Variants in TNRC6B observed in about 807,000 individuals in gnomAD.
TNRC6B encodes trinucleotide repeat-containing gene 6B protein.
In TNRC6B, 52 loss-of-function variants were observed where a neutral mutation model predicts 203.6. The observed-to-expected ratio is 0.26, with a 90% CI of 0.20 to 0.32. The LOEUF is 0.32. Ranked by LOEUF, TNRC6B falls within the 10% of genes least tolerant of loss-of-function variation. The pLI is 1.00. For synonymous variants in TNRC6B, 838 were observed against 845.7 expected (o/e 0.99, Z 0.16); for missense variants, 1,923 against 2,286.2 (o/e 0.84, Z 3.24).
At chr22:40,070,415 AAAAG>A (rs2067936933) in intron 1 of TNRC6B, among the ~76,000 whole-genome samples, 1 of 152,196 alleles carries the variant, frequency 6.6e-6, no homozygotes, top group African/African-American at 2.4e-5. Context: ...TTTAAACATA[AAAAG>A]AAAGGGTGAA....
intron 7 of TNRC6B, among the ~76,000 whole-genome samples, chr22:40,274,952 A>G (rs1258848327): frequency 2.0e-5 from 3 of 152,308 alleles, no homozygotes; most frequent in East Asian, 3.9e-4. Flanking sequence ...CTTAACTTCA[A>G]CATGAGAGTC....
intron 2 of TNRC6B, among the ~76,000 whole-genome samples, chr22:40,124,087 A>G (rs2068467091): frequency 1.3e-5 from 2 of 152,120 alleles, no homozygotes; most frequent in Admixed American, 1.3e-4. Context: ...ACTTCACATC[A>G]CATAAATATG....
At chr22:40,089,630 C>T (rs559052777) in intron 1 of TNRC6B, among the ~76,000 whole-genome samples, 20 of 152,230 alleles carry the variant, frequency 1.3e-4, no homozygotes, top group Admixed American at 6.5e-4. Flanking sequence ...TCCCTGCCAG[C>T]CTCCCGCAGT....
intron 1 of TNRC6B, among the ~76,000 whole-genome samples, chr22:40,091,006 G>C (rs986833910): frequency 1.2e-4 from 19 of 152,110 alleles, no homozygotes; most frequent in African/African-American, 4.6e-4. Context: ...TTTTGAGACG[G>C]AGTCTCACTC....
chr22:40,317,041 C>T lies in TNRC6B; in HGVS notation c.4974+1029C>T, dbSNP rs549486863. On this transcript the variant is annotated intron_variant, in intron 21 of 22. Transcript: ENST00000454349. The stretch of plus-strand genomic sequence containing the variant: ...AGTGGAAAAGGGAGTATTTTAAGGA[C>T]ACCCAAAAGCTACCTGTTTCTGTGT... 3.5e-4 allele frequency among the ~76,000 whole-genome samples: 53 copies of T among 152,228 alleles called. 1 individual carries two copies. The South Asian group carries it at 0.01, about 30-fold the overall frequency.
At chr22:40,049,509 G>A (rs2067727676) in intron 1 of TNRC6B, among the ~76,000 whole-genome samples, 1 of 151,978 alleles carries the variant, frequency 6.6e-6, no homozygotes. Flanking sequence ...TTATTTATGA[G>A]ACTTAACTGT....
chr22:40,309,440 T>G (rs1054413436), intron 16 of TNRC6B, among the ~76,000 whole-genome samples: 1 of 152,232 alleles, frequency 6.6e-6, no homozygotes, highest in Non-Finnish European at 1.5e-5. Flanking sequence ...CACTCTTTAA[T>G]AAGCCCATCC....
At chr22:40,058,411 C>A (rs1248936597) in intron 1 of TNRC6B, among the ~76,000 whole-genome samples, 1 of 94,808 alleles carries the variant, frequency 1.1e-5, no homozygotes, top group Non-Finnish European at 1.9e-5. Flanking sequence ...TGCTTTAGCA[C>A]AATGTGCTTT....
chr22:40,190,455 C>A (rs943425454), intron 1 of TNRC6B, among the ~76,000 whole-genome samples: 2 of 152,184 alleles, frequency 1.3e-5, no homozygotes, highest in Non-Finnish European at 2.9e-5. Context: ...GTTGGCTCTT[C>A]ATGAGTTATG....
chr22:40,296,056 A>G (rs1287113600), intron 12 of TNRC6B, among the ~76,000 whole-genome samples: 1 of 152,088 alleles, frequency 6.6e-6, no homozygotes, highest in Non-Finnish European at 1.5e-5. Flanking sequence ...GCAAAAGAGG[A>G]AAACATATTG....
Position 40,170,769 on chromosome 22 carries a change from ATACATATATG to A in TNRC6B, c.113+14599_113+14608del, listed in dbSNP as rs371522677. Among the ~76,000 whole-genome samples, 564 of 83,394 alleles carry A rather than the reference ATACATATATG, an allele frequency of 6.8e-3. 9 individuals are homozygous for A. Among genetic ancestry groups the A allele is most frequent in the South Asian group, 0.016 (42 of 2,604 alleles). 54.7% of individuals were successfully genotyped at this position (83,394 alleles called of 152,430 possible). A position where few individuals can be genotyped will look rare whatever the true frequency, so the allele number is the denominator to read the frequency against. ...TATATGTACATATATGTGTGTATAT[ATACATATATG>A]TACATATATGTGTGTATATATACAT... On this transcript the variant is annotated intron_variant, in intron 4 of 23. Transcript: ENST00000301923.
rs1385843265 is a variant in TNRC6B, at chr22:40,153,286, A to C, written c.46-2829A>C. ...CTGTAAAAGAGACAGAGGATCTGGG[A>C]AACAGATGCTCCAGCTTAGGAGAAA... is the stretch of plus-strand genomic sequence containing the variant. On this transcript the variant is annotated intron_variant, in intron 3 of 23. Coordinates refer to the TNRC6B transcript ENST00000301923. Among the ~76,000 whole-genome samples the C allele has an allele frequency of 2.0e-5, 3 of 152,274 alleles. No individual in the cohort carries two copies. In the East Asian group the frequency reaches 5.8e-4, roughly 29 times the overall value.
In TNRC6B at chr22:40,326,910, G is replaced by C. The variant is rs938761479; in HGVS notation, c.*3669G>C. 4.6e-5 allele frequency: 7 copies of C among 152,534 alleles called. No individual in the cohort carries two copies. Among genetic ancestry groups the C allele is most frequent in the African/African-American group, 1.7e-4 (7 of 41,410 alleles). The allele number at this position is 152,534 out of a possible 1,614,324, so 9.4% of individuals were successfully genotyped here. A position where few individuals can be genotyped will look rare whatever the true frequency, so the allele number is the denominator to read the frequency against. ...AGGAACAAGTGATTTTACTTTTTTA[G>C]CTCCCAGCTACTGTTGTGCTCGTTT... is the stretch of plus-strand genomic sequence containing the variant. On this transcript the variant is annotated 3_prime_UTR_variant, in exon 23 of 23. Coordinates refer to ENST00000454349, the MANE Select transcript of TNRC6B (RefSeq NM_001162501.2).
rs141480111 is a variant in TNRC6B, at chr22:40,178,307, T to G, written c.5+167T>G. 2.0e-5 allele frequency among the ~76,000 whole-genome samples: 3 copies of G among 152,332 alleles called. No individual in the cohort carries two copies. The East Asian group carries it at 5.8e-4, about 29-fold the overall frequency. ...CCCGTGATGTACTTTGGTTCGGCAT[T>G]TTAGAAATGGAAAAGACGTGGTAAA... On this transcript the variant is annotated intron_variant, in intron 1 of 22. Transcript: ENST00000454349.
At chr22:40,163,015 C>G (rs1271852024) in intron 4 of TNRC6B, among the ~76,000 whole-genome samples, 1 of 152,124 alleles carries the variant, frequency 6.6e-6, no homozygotes, top group Non-Finnish European at 1.5e-5. Flanking sequence ...AAAAAATTCT[C>G]TAACAAAGTC....
At chr22:40,291,545 C>G (rs1309549146) in intron 12 of TNRC6B, among the ~76,000 whole-genome samples, 1 of 152,172 alleles carries the variant, frequency 6.6e-6, no homozygotes, top group Non-Finnish European at 1.5e-5. Flanking sequence ...CATTATTGCA[C>G]TCAGGGTCAC....
intron 1 of TNRC6B, among the ~76,000 whole-genome samples, chr22:40,222,411 G>A (rs118077426): frequency 0.014 from 2,199 of 152,248 alleles, 35 homozygotes; most frequent in Admixed American, 0.041. Context: ...AGGGAAGTGC[G>A]TGAGCCAGAG....
intron 3 of TNRC6B, among the ~76,000 whole-genome samples, chr22:40,143,870 A>G (rs2068667996): frequency 6.6e-6 from 1 of 152,232 alleles, no homozygotes; most frequent in South Asian, 2.1e-4. Flanking sequence ...TATGTAAAGA[A>G]TTACCAAAAA....
intron 1 of TNRC6B, among the ~76,000 whole-genome samples, chr22:40,060,480 A>G (rs1168018992): frequency 6.6e-6 from 1 of 152,184 alleles, no homozygotes; most frequent in Admixed American, 6.5e-5. Context: ...TGATTTCCAA[A>G]TACTTGGAAG....
Sources: allele counts gnomAD v4.1 joint callset (sites outside exome capture counted in the v4.1 genomes callset), GRCh38; gene constraint gnomAD v4.1.1; transcripts MANE v1.5; gene names NCBI Gene and HGNC (gene_info 2026-07-23, HGNC 2026-07-21).